The following SLC26A3 variants were observed in gnomAD, a reference collection of about 807,000 sequenced individuals.
SLC26A3 encodes the protein solute carrier family 26 member 3.
SLC26A3 carries 64 observed loss-of-function variants against 85.6 expected under a neutral mutation model. That is an observed-to-expected ratio of 0.75 (90% confidence interval 0.61 to 0.92). The LOEUF is 0.92. Ranked by LOEUF, SLC26A3 falls within the 40% of genes least tolerant of loss-of-function variation. The pLI is 0.00. For missense variants in SLC26A3, 922 were observed against 927.3 expected (o/e 0.99, Z 0.07); for synonymous variants, 349 against 336.0 (o/e 1.04, Z -0.42).
intron 18 of SLC26A3, among the ~76,000 whole-genome samples, chr7:107,770,063 T>G (rs1793991952): frequency 1.5e-5 from 2 of 130,354 alleles, no homozygotes; most frequent in Admixed American, 1.6e-4. Context: ...TTTTCTTTCT[T>G]TTTCTTTCTC....
chr7:107,768,540 TC>T (rs1254891639), intron 18 of SLC26A3, among the ~76,000 whole-genome samples: 2 of 152,188 alleles, frequency 1.3e-5, no homozygotes, highest in Non-Finnish European at 2.9e-5. Flanking sequence ...AATCTTGCCC[TC>T]AAGGAAGATA....
intron 17 of SLC26A3, among the ~76,000 whole-genome samples, chr7:107,773,241 TCTTA>T (rs1490762221): frequency 6.6e-6 from 1 of 152,196 alleles, no homozygotes; most frequent in Non-Finnish European, 1.5e-5. Context: ...AAGGATCCAC[TCTTA>T]CATTTTTTCC....
At chr7:107,769,574 CGGA>C (rs1793970234) in intron 18 of SLC26A3, among the ~76,000 whole-genome samples, 1 of 151,916 alleles carries the variant, frequency 6.6e-6, no homozygotes. Context: ...TGGGGCCTAT[CGGA>C]GGGTGAAGGG....
rs751829112 is a variant in SLC26A3, at chr7:107,783,308, G to T, written c.1016C>A (p.Thr339Asn). Reference protein sequence around the residue: ...ITPDVETFQNTVGDCFGIAMV... With the variant: ...ITPDVETFQNNVGDCFGIAMV... ...TGCGATGCCGAAGCAATCTCCTACGGTGTTTTGGAAAGTCTCCACGTCAGG... is the reference window on the plus strand; with the variant it reads ...TGCGATGCCGAAGCAATCTCCTACGTTGTTTTGGAAAGTCTCCACGTCAGG... The change falls in exon 9 of 21, where the codon ACC becomes AAC. Residue 339 changes from threonine to asparagine, a missense_variant. Coordinates refer to ENST00000340010, the MANE Select transcript of SLC26A3 (RefSeq NM_000111.3). The T allele has an allele frequency of 1.2e-6, 2 of 1,614,190 alleles. No individual in the cohort carries two copies. The highest frequency in any genetic ancestry group is 1.7e-6 in the Non-Finnish European group (2 of 1,180,032).
intron 17 of SLC26A3, 120 bp from the exon 18 acceptor site, chr7:107,772,228 GAA>G: frequency 1.4e-6 from 1 of 690,436 alleles, no homozygotes; most frequent in Non-Finnish European, 2.6e-6. Context: ...TTAACATTTT[GAA>G]AAGAGATAAT....
intron 3 of SLC26A3, among the ~76,000 whole-genome samples, chr7:107,792,759 TA>T (rs1159388484): frequency 3.3e-5 from 5 of 152,120 alleles, no homozygotes; most frequent in Admixed American, 3.3e-4. Flanking sequence ...AATCACAATT[TA>T]AAAACGTGTA....
intron 6 of SLC26A3, among the ~76,000 whole-genome samples, chr7:107,788,574 A>T (rs1028261138): frequency 6.6e-6 from 1 of 151,944 alleles, no homozygotes. Context: ...ACAGTTTAAA[A>T]CTTGGGACAA....
intron 8 of SLC26A3, among the ~76,000 whole-genome samples, chr7:107,784,809 A>T (rs977554641): frequency 1.2e-4 from 18 of 152,190 alleles, no homozygotes; most frequent in Non-Finnish European, 2.2e-4. Context: ...TAAAACACAA[A>T]GTGCCTGTTA....
intron 3 of SLC26A3, among the ~76,000 whole-genome samples, chr7:107,792,524 G>T (rs1395278468): frequency 1.3e-5 from 2 of 152,070 alleles, no homozygotes; most frequent in Admixed American, 6.6e-5. Flanking sequence ...ACTCCTATGA[G>T]AATATAATGT....
rs1793938351 is a variant in SLC26A3, at chr7:107,767,754, A to G, written c.2205+12T>C. ...GCTTATGCAATTGTGAAAGTCACCAAAGAGCTGATACCTGACTGGGATTAA... is the reference window on the plus strand; with the variant it reads ...GCTTATGCAATTGTGAAAGTCACCAGAGAGCTGATACCTGACTGGGATTAA... On this transcript the variant is annotated intron_variant, in intron 19 of 20. Coordinates refer to ENST00000340010, the MANE Select transcript of SLC26A3 (RefSeq NM_000111.3). The G allele has an allele frequency of 6.2e-7, 1 of 1,613,724 alleles. No homozygotes were observed. Among genetic ancestry groups the G allele is most frequent in the South Asian group, 1.1e-5 (1 of 91,062 alleles).
intron 18 of SLC26A3, among the ~76,000 whole-genome samples, chr7:107,771,384 A>T (rs939232516): frequency 1.3e-5 from 2 of 152,200 alleles, no homozygotes; most frequent in Admixed American, 1.3e-4. Context: ...GTAGATGCAC[A>T]TGAAATCATA....
intron 1 of SLC26A3, among the ~76,000 whole-genome samples, chr7:107,800,776 A>T (rs1339085247): frequency 6.6e-6 from 1 of 152,268 alleles, no homozygotes; most frequent in East Asian, 1.9e-4. Flanking sequence ...CAGATAATAA[A>T]TTGGAAGAAG....
intron 13 of SLC26A3, among the ~76,000 whole-genome samples, chr7:107,777,810 A>G (rs139032040): frequency 7.9e-4 from 120 of 152,358 alleles, no homozygotes; most frequent in African/African-American, 2.8e-3. Context: ...TCACAATCTC[A>G]GTAACACATT....
At position 107,782,802 on chromosome 7, in the gene SLC26A3, G is replaced by T. The variant is rs386833448; in HGVS notation, c.1306C>A (p.Gln436Lys). Residue 436 changes from glutamine (Q) to lysine (K), a missense_variant, in exon 11 of 21, where the codon CAA becomes AAA. Physicochemically the swap from Gln to Lys is moderately conservative, Grantham distance 53. Coordinates refer to ENST00000340010, the MANE Select transcript of SLC26A3 (RefSeq NM_000111.3). ...CTATCCAAAGACAGTGTTACCTTTT[G>T]TAGAGGCGCCAGGAGAAATCCAATG... ...LAIGFLLAPL[Q>K]KSVLAALALG... 6.2e-7 allele frequency: 1 copy of T among 1,613,778 alleles called. No homozygotes were observed. Among genetic ancestry groups the T allele is most frequent in the African/African-American group, 1.3e-5 (1 of 74,906 alleles).
chr7:107,776,734 C>T, intron 13 of SLC26A3, 28 bp from the exon 14 acceptor site: 1 of 1,601,846 alleles, frequency 6.2e-7, no homozygotes, highest in Non-Finnish European at 8.5e-7. Flanking sequence ...CCAAGTAAAT[C>T]ATTCATGTAT....
Position 107,790,346 on chromosome 7 carries a change from C to T in SLC26A3, c.571-658G>A, listed in dbSNP as rs1794373557. Among the ~76,000 whole-genome samples the T allele has an allele frequency of 5.9e-5, 9 of 152,308 alleles. No homozygotes were observed. In the South Asian group the frequency reaches 1.9e-3, roughly 32 times the overall value. On this transcript the variant is annotated intron_variant, in intron 5 of 20. Coordinates refer to ENST00000340010, the MANE Select transcript of SLC26A3 (RefSeq NM_000111.3). ...GGCTGCCCAAAGCCCAGTTGGGTTC[C>T]ATTTCTATACTAAGTTCAGAAATGT...
chr7:107,775,807 C>A (rs1794103305), intron 15 of SLC26A3, among the ~76,000 whole-genome samples: 2 of 151,828 alleles, frequency 1.3e-5, no homozygotes, highest in South Asian at 4.1e-4. Context: ...ACCAAATATA[C>A]AATATAATCT....
At chr7:107,797,231 C>T (rs376165592) in intron 1 of SLC26A3, among the ~76,000 whole-genome samples, 5 of 152,186 alleles carry the variant, frequency 3.3e-5, no homozygotes, top group African/African-American at 9.6e-5. Flanking sequence ...CGGTGGCTTA[C>T]GCCTGTAATC....
rs1793941451 is a variant in SLC26A3 at position 107,767,866 on chromosome 7, C to T, written c.2105G>A (p.Gly702Asp). The part of the protein sequence containing the change: ...EKLNRYEFFD[G>D]EVKSSIFFLT... The stretch of plus-strand genomic sequence containing the variant: ...GAAAAATATTGAGCTTTTCACTTCA[C>T]CATCAAAAAATTCATACCGGTTAAG... Residue 702 changes from glycine (G) to aspartate (D), a missense_variant, in exon 19 of 21, where the codon GGT becomes GAT. Physicochemically the swap from Gly to Asp is moderately conservative, Grantham distance 94. Coordinates refer to ENST00000340010, the MANE Select transcript of SLC26A3 (RefSeq NM_000111.3). 3 of 1,613,380 alleles carry T rather than the reference C, an allele frequency of 1.9e-6. No individual in the cohort carries two copies. The highest frequency in any genetic ancestry group is 2.5e-6 in the Non-Finnish European group (3 of 1,179,638).
Sources: allele counts gnomAD v4.1 joint callset (sites outside exome capture counted in the v4.1 genomes callset), GRCh38; gene constraint gnomAD v4.1.1; transcripts MANE v1.5; gene names NCBI Gene and HGNC (gene_info 2026-07-23, HGNC 2026-07-21).